The following SLC9A6 variants were observed in gnomAD, a reference collection of about 807,000 sequenced individuals.
SLC9A6 encodes the protein sodium/hydrogen exchanger 6.
SLC9A6 carries 6 observed loss-of-function variants against 45.3 expected under a neutral mutation model. The ratio of observed to expected loss-of-function variants is 0.13; its 90% CI spans 0.07 to 0.26. SLC9A6 has a LOEUF of 0.26. Ranked by LOEUF, SLC9A6 falls within the 10% of genes least tolerant of loss-of-function variation. The pLI is 1.00. For synonymous variants in SLC9A6, 191 were observed against 187.7 expected, an observed-to-expected ratio of 1.02 and a Z score of -0.14; for missense variants, 278 against 503.7, an observed-to-expected ratio of 0.55 and a Z score of 4.29.
At chrX:136,030,448 G>T in intron 15 of SLC9A6, 2 of 332,884 alleles carry the variant, frequency 6.0e-6, no homozygotes, top group Non-Finnish European at 1.1e-5. Context: ...AGCACTCCTG[G>T]GTTTTCGAGT....
upstream of SLC9A6, among the ~76,000 whole-genome samples, chrX:135,982,542 C>T (rs781925146): frequency 6.5e-5 from 7 of 107,289 alleles, no homozygotes; most frequent in Admixed American, 3.0e-4. Flanking sequence ...GGCCCAATAT[C>T]AGCTCACTGC....
rs914441120 is a variant in SLC9A6 at position 136,013,293 on chromosome X, G to T, written c.992-56G>T. On this transcript the variant is annotated intron_variant, in intron 9 of 17. Coordinates refer to ENST00000630721, the MANE Select transcript of SLC9A6 (RefSeq NM_001379110.1). ...AATCTACTGTGAAGAAAGAACCTCA[G>T]TATAAAAGGTGGGAACCATCCTTTT... The T allele has an allele frequency of 5.4e-6, 5 of 921,836 alleles. No homozygotes were observed. In the East Asian group the frequency reaches 9.2e-5, roughly 17 times the overall value. 76.0% of individuals were successfully genotyped at this position (921,836 alleles called of 1,213,427 possible). A position where few individuals can be genotyped will look rare whatever the true frequency, so the allele number is the denominator to read the frequency against.
chrX:136,023,173 A>G (rs572689960), intron 12 of SLC9A6, among the ~76,000 whole-genome samples: 461 of 5,058 alleles, frequency 0.091, no homozygotes, highest in South Asian at 0.25. Flanking sequence ...GTATATATAT[A>G]TATATATATA....
intron 9 of SLC9A6, 91 bp from the exon 10 acceptor site, chrX:136,013,258 C>A: frequency 1.2e-6 from 1 of 812,597 alleles, no homozygotes; most frequent in Non-Finnish European, 1.9e-6. Flanking sequence ...AATTTCCAGA[C>A]AAAGCCTATA....
At chrX:135,982,060 A>G (rs1179482260), upstream of SLC9A6, among the ~76,000 whole-genome samples, 1 of 112,139 alleles carries the variant, frequency 8.9e-6, no homozygotes, top group African/African-American at 3.2e-5. Flanking sequence ...ACATGTCACA[A>G]AATATTCTTT....
At chrX:135,985,178 G>C (rs1183036569), upstream of SLC9A6, 2 of 205,785 alleles carry the variant, frequency 9.7e-6, no homozygotes, top group African/African-American at 5.9e-5. Context: ...ATTCCCCTGA[G>C]AGCTCTGAGA....
intron 7 of SLC9A6, among the ~76,000 whole-genome samples, chrX:136,006,688 C>A (rs1321282745): frequency 9.1e-6 from 1 of 109,481 alleles, no homozygotes; most frequent in Non-Finnish European, 1.9e-5. Context: ...AATGGATTAC[C>A]GTGATTAGCC....
At chrX:135,994,689 C>G (rs1283943022) in intron 2 of SLC9A6, 97 bp from the exon 3 acceptor site, 1 of 786,736 alleles carries the variant, frequency 1.3e-6, no homozygotes, top group Non-Finnish European at 2.0e-6. Context: ...CTACAGGGAA[C>G]TACCGTAAGA....
chrX:136,021,255 A>G (rs782278455), intron 11 of SLC9A6, among the ~76,000 whole-genome samples: 3 of 111,627 alleles, frequency 2.7e-5, no homozygotes. Flanking sequence ...TCCAACTTTA[A>G]TTCATTACCA....
At chrX:136,018,787 G>GT (rs782791032) in intron 11 of SLC9A6, among the ~76,000 whole-genome samples, 2,651 of 102,354 alleles carry the variant, frequency 0.026, 31 homozygotes, top group South Asian at 0.11. Flanking sequence ...ATTAGTGGAA[G>GT]TTTTTTTTTT....
intron 3 of SLC9A6, among the ~76,000 whole-genome samples, chrX:135,995,423 A>G (rs1198981919): frequency 9.9e-5 from 11 of 111,261 alleles, no homozygotes; most frequent in Admixed American, 5.7e-4. Flanking sequence ...CCTGGGTTCA[A>G]GCAATTCTCC....
chrX:136,004,309 G>A (rs2089625099), intron 7 of SLC9A6, among the ~76,000 whole-genome samples: 3 of 108,703 alleles, frequency 2.8e-5, no homozygotes, highest in African/African-American at 3.4e-5. Context: ...GGCTGGTTTC[G>A]AACTCCTGAC....
intron 2 of SLC9A6, among the ~76,000 whole-genome samples, chrX:135,994,074 A>C (rs2089467732): frequency 9.1e-6 from 1 of 110,466 alleles, no homozygotes; most frequent in Admixed American, 9.7e-5. Context: ...TTTAAGTCTT[A>C]TAAATTGATG....
chrX:136,037,792 G>A (rs782745950), intron 16 of SLC9A6, among the ~76,000 whole-genome samples: 7 of 111,431 alleles, frequency 6.3e-5, no homozygotes, highest in African/African-American at 3.3e-5. Flanking sequence ...GGATGGTCTC[G>A]ATCTCCTGAC....
At chrX:135,994,164 G>T (rs1385705932) in intron 2 of SLC9A6, among the ~76,000 whole-genome samples, 1 of 107,490 alleles carries the variant, frequency 9.3e-6, no homozygotes, top group Non-Finnish European at 1.9e-5. Context: ...GAGTGAAGTG[G>T]CATGATCTCG....
intron 11 of SLC9A6, 134 bp from the exon 12 acceptor site, chrX:136,022,452 T>C (rs1326526969): frequency 2.5e-6 from 1 of 401,318 alleles, no homozygotes; most frequent in Non-Finnish European, 4.5e-6. Context: ...GACAGTGTTA[T>C]GTTAGACAAT....
At position 136,038,421 on chromosome X, in the gene SLC9A6, T is replaced by G. The variant is rs782319426; in HGVS notation, c.1662-1655T>G. On this transcript the variant is annotated intron_variant, in intron 16 of 17. Transcript: ENST00000630721. ...TGGTCATGATGTGTTATCCTTTGTG[T>G]ATATCTCTGGATTTAATTTGCTAAT... Among the ~76,000 whole-genome samples, 25 of 112,446 alleles carry G rather than the reference T, an allele frequency of 2.2e-4. No homozygotes were observed. The East Asian group carries it at 5.0e-3, about 22-fold the overall frequency.
chrX:136,011,733 A>C (rs1315704469), intron 8 of SLC9A6, among the ~76,000 whole-genome samples: 4 of 111,348 alleles, frequency 3.6e-5, no homozygotes, highest in African/African-American at 6.5e-5. Flanking sequence ...TTTGGATCTC[A>C]GTGTAGGAAA....
intron 3 of SLC9A6, among the ~76,000 whole-genome samples, chrX:135,997,046 T>A (rs187799003): frequency 9.4e-6 from 1 of 106,910 alleles, no homozygotes. Context: ...GATTACAGGC[T>A]TGAGCCACCA....
Sources: allele counts gnomAD v4.1 joint callset (sites outside exome capture counted in the v4.1 genomes callset), GRCh38; gene constraint gnomAD v4.1.1; transcripts MANE v1.5; gene names NCBI Gene and HGNC (gene_info 2026-07-23, HGNC 2026-07-21).